Variants in IL4R observed in about 807,000 individuals in gnomAD.
The protein encoded by IL4R is interleukin-4 receptor subunit alpha.
IL4R carries 17 observed loss-of-function variants against 41.5 expected under a neutral mutation model. The ratio of observed to expected loss-of-function variants is 0.41; its 90% CI spans 0.28 to 0.61. The LOEUF is 0.61. Among genes scored for constraint, IL4R ranks in the 20% least tolerant of loss-of-function variants. IL4R has a pLI of 0.31. For synonymous variants in IL4R, 402 were observed against 422.9 expected, an observed-to-expected ratio of 0.95 and a Z score of 0.61; for missense variants, 974 against 1,043.1, an observed-to-expected ratio of 0.93 and a Z score of 0.91.
At chr16:27,349,609 G>A (rs959536997) in intron 6 of IL4R, among the ~76,000 whole-genome samples, 1 of 152,222 alleles carries the variant, frequency 6.6e-6, no homozygotes, top group African/African-American at 2.4e-5. Context: ...TATGTGTAGC[G>A]ATAAAGCACC....
Position 27,348,327 on chromosome 16 carries a change from C to T in IL4R, c.513+1709C>T, listed in dbSNP as rs1471392740. ...TTTTGTTTGGTCAATAAATCTCCTT[C>T]TCATGCCCCAGGCCTGTGCAAGACC... is the stretch of plus-strand genomic sequence containing the variant. On this transcript the variant is annotated intron_variant, in intron 6 of 10. Transcript: ENST00000395762. 2.6e-5 allele frequency among the ~76,000 whole-genome samples: 4 copies of T among 151,990 alleles called. No homozygotes were observed. The East Asian group carries it at 5.8e-4, about 22-fold the overall frequency.
intron 7 of IL4R, chr16:27,355,268 G>T: frequency 3.5e-6 from 1 of 283,892 alleles, no homozygotes; most frequent in East Asian, 8.7e-5. Context: ...AGGGTGTCGG[G>T]GAAAACTTTT....
At chr16:27,322,103 G>GT (rs10631013) in intron 1 of IL4R, among the ~76,000 whole-genome samples, 83,739 of 145,096 alleles carry the variant, frequency 0.58, 24,121 homozygotes, top group Middle Eastern at 0.63. Flanking sequence ...TCACTATGTG[G>GT]TTTTTTTTTT....
chr16:27,346,558 T>G lies in IL4R; in HGVS notation c.453T>G (p.Asn151Lys), dbSNP rs2085651580. 6.2e-7 allele frequency: 1 copy of G among 1,614,018 alleles called. No individual in the cohort carries two copies. The highest frequency in any genetic ancestry group is 1.3e-5 in the African/African-American group (1 of 74,912). The change falls in exon 6 of 11, where the codon AAT becomes AAG. Residue 151 changes from asparagine to lysine, a missense_variant. By Grantham distance (94) the Asn-to-Lys change is moderately conservative. Coordinates refer to ENST00000395762, the MANE Select transcript of IL4R (RefSeq NM_000418.4). ...GGAGCAACCCGTATCCCCCTGACAA[T>G]TACCTGTATAATCATCTCACCTATG... ...LTWSNPYPPDNYLYNHLTYAV... is the reference protein window; with the variant it reads ...LTWSNPYPPDKYLYNHLTYAV...
chr16:27,339,789 T>C (rs1376003581), intron 2 of IL4R, among the ~76,000 whole-genome samples: 1 of 151,790 alleles, frequency 6.6e-6, no homozygotes, highest in African/African-American at 2.4e-5. Context: ...GCAGCCGCAG[T>C]GGCTCAGGCC....
intron 1 of IL4R, among the ~76,000 whole-genome samples, chr16:27,319,581 G>T (rs1174473061): frequency 1.3e-5 from 2 of 152,158 alleles, no homozygotes; most frequent in Non-Finnish European, 2.9e-5. Flanking sequence ...CGCAGGACTG[G>T]TTCCTCCAAG....
chr16:27,342,293 G>T (rs747322278), intron 4 of IL4R, 34 bp downstream of exon 4: 2 of 1,613,416 alleles, frequency 1.2e-6, no homozygotes, highest in South Asian at 2.2e-5. Flanking sequence ...GTTTGGGGAG[G>T]TTGTGCCCAA....
At chr16:27,333,415 G>T (rs2085167247) in intron 2 of IL4R, among the ~76,000 whole-genome samples, 1 of 152,024 alleles carries the variant, frequency 6.6e-6, no homozygotes, top group Admixed American at 6.6e-5. Context: ...GAGATTGAAG[G>T]AACTGGTATA....
At chr16:27,353,989 G>T (rs140152038) in intron 7 of IL4R, 1 of 152,168 alleles carries the variant, frequency 6.6e-6, no homozygotes, top group Non-Finnish European at 1.5e-5. Context: ...CAGAAGAGGC[G>T]TGATTATGGA....
In IL4R at chr16:27,345,133, C is replaced by T. The variant is rs570293541; in HGVS notation, c.361+113C>T. ...GGTCATAGCAACAGCAGGAGGAAGC[C>T]GCCTGTATTTTCCCAAATCTGATGG... On this transcript the variant is annotated intron_variant, in intron 5 of 10. Coordinates refer to ENST00000395762, the MANE Select transcript of IL4R (RefSeq NM_000418.4). This position sits in a 1 kb window ranked among gnomAD's most constrained non-coding sequence, Gnocchi z 4.5. 1.0e-3 allele frequency: 1,245 copies of T among 1,191,100 alleles called. 18 individuals carry two copies. The South Asian group carries it at 0.015, about 15-fold the overall frequency. 73.8% of individuals were successfully genotyped at this position (1,191,100 alleles called of 1,614,324 possible). A position where few individuals can be genotyped will look rare whatever the true frequency, so the allele number is the denominator to read the frequency against.
chr16:27,341,888 C>T, intron 3 of IL4R: 2 of 480,304 alleles, frequency 4.2e-6, no homozygotes, highest in South Asian at 7.2e-5. Flanking sequence ...GCACTTGGTT[C>T]GTTCTTGTCT....
In IL4R at chr16:27,355,699, G is replaced by A. The variant is rs1371239800; in HGVS notation, c.671-109G>A. On this transcript the variant is annotated intron_variant, in intron 7 of 10. Transcript: ENST00000395762. ...TGGAGGGGTGGTCGGCGGTCAGATC[G>A]TGGAGGGTCTCGGACGAGGGTCCTG... is the stretch of plus-strand genomic sequence containing the variant. 5.5e-5 allele frequency: 39 copies of A among 705,158 alleles called. 1 individual carries two copies. The highest frequency in any genetic ancestry group is 4.7e-4 in the South Asian group (29 of 61,310). 43.7% of individuals were successfully genotyped at this position (705,158 alleles called of 1,614,324 possible). A position where few individuals can be genotyped will look rare whatever the true frequency, so the allele number is the denominator to read the frequency against.
At chr16:27,356,937 G>C (rs1449197295) in intron 8 of IL4R, among the ~76,000 whole-genome samples, 1 of 152,098 alleles carries the variant, frequency 6.6e-6, no homozygotes, top group Non-Finnish European at 1.5e-5. Context: ...AAGGAGCCTC[G>C]TTTCCAGAGA....
rs115630053 is a variant in IL4R, at chr16:27,342,834, G to A, written c.209+575G>A. Among the ~76,000 whole-genome samples the A allele has an allele frequency of 3.7e-3, 565 of 152,204 alleles. 3 individuals carry two copies. The highest frequency in any genetic ancestry group is 0.013 in the African/African-American group (530 of 41,516). On this transcript the variant is annotated intron_variant, in intron 4 of 10. Transcript: ENST00000395762. ...TTAAGTCCCAACAACATGCAAGCCCGCATTCAACAAATCTTCAGATCAATT... is the reference window on the plus strand; with the variant it reads ...TTAAGTCCCAACAACATGCAAGCCCACATTCAACAAATCTTCAGATCAATT...
intron 2 of IL4R, among the ~76,000 whole-genome samples, chr16:27,335,621 G>T (rs1274872387): frequency 6.6e-6 from 1 of 152,124 alleles, no homozygotes; most frequent in African/African-American, 2.4e-5. Flanking sequence ...TCATTTTGAT[G>T]CTCAAAATGT....
chr16:27,322,026 G>T (rs989723929), intron 1 of IL4R, among the ~76,000 whole-genome samples: 1 of 150,870 alleles, frequency 6.6e-6, no homozygotes, highest in Admixed American at 6.6e-5. Flanking sequence ...ATTTTCTGTT[G>T]GGTATAAGGT....
chr16:27,360,173 C>G (rs1295113634), intron 9 of IL4R, among the ~76,000 whole-genome samples: 1 of 152,190 alleles, frequency 6.6e-6, no homozygotes. Flanking sequence ...TGCCACCACG[C>G]CAGGCTAATT....
rs1473894753 is a variant in IL4R at position 27,345,119 on chromosome 16, C to G, written c.361+99C>G. The G allele has an allele frequency of 7.9e-6, 10 of 1,261,056 alleles. No individual in the cohort carries two copies. Among genetic ancestry groups the G allele is most frequent in the Non-Finnish European group, 1.1e-5 (10 of 888,746 alleles). 78.1% of individuals were successfully genotyped at this position (1,261,056 alleles called of 1,614,324 possible). On this transcript the variant is annotated intron_variant, in intron 5 of 10. Transcript: ENST00000395762. This position sits in a 1 kb window ranked among gnomAD's most constrained non-coding sequence, Gnocchi z 4.5. ...AGGGGAGGAGGTGGGGTCATAGCAACAGCAGGAGGAAGCCGCCTGTATTTT... is the reference window on the plus strand; with the variant it reads ...AGGGGAGGAGGTGGGGTCATAGCAAGAGCAGGAGGAAGCCGCCTGTATTTT...
At chr16:27,341,061 G>T in intron 3 of IL4R, 1 of 663,410 alleles carries the variant, frequency 1.5e-6, no homozygotes. Context: ...CATCCATTAT[G>T]TTCCAAAGGA....
Sources: allele counts gnomAD v4.1 joint callset (sites outside exome capture counted in the v4.1 genomes callset), GRCh38; gene constraint gnomAD v4.1.1; non-coding constraint Gnocchi (gnomAD v3.1); transcripts MANE v1.5; gene names NCBI Gene and HGNC (gene_info 2026-07-23, HGNC 2026-07-21).